Variants in DNAI1 observed in about 807,000 individuals in gnomAD.
DNAI1 encodes the protein dynein axonemal intermediate chain 1, also known as dynein, axonemal, intermediate polypeptide 1.
In DNAI1, 67 loss-of-function variants were observed where a neutral mutation model predicts 92.0. That is an observed-to-expected ratio of 0.73 (90% CI 0.60 to 0.89). The LOEUF (loss-of-function observed/expected upper bound fraction) is 0.89, where lower values mean the gene tolerates loss of function less well. Among genes scored for constraint, DNAI1 ranks in the 40% least tolerant of loss-of-function variants. The probability of loss-of-function intolerance (pLI) is 0.00; values close to 1 mark genes in which losing one functional copy is unlikely to be tolerated. For synonymous variants in DNAI1, 323 were observed against 319.6 expected (o/e 1.01, Z -0.11); for missense variants, 839 against 866.6 (o/e 0.97, Z 0.40).
intron 10 of DNAI1, among the ~76,000 whole-genome samples, chr9:34,499,432 C>G (rs1241652182): frequency 6.6e-6 from 1 of 152,220 alleles, no homozygotes; most frequent in Non-Finnish European, 1.5e-5. Flanking sequence ...TCACTGCATT[C>G]TTTAAACAGT....
intron 18 of DNAI1, among the ~76,000 whole-genome samples, chr9:34,514,977 G>A (rs1825146481): frequency 6.6e-6 from 1 of 152,224 alleles, no homozygotes; most frequent in African/African-American, 2.4e-5. Flanking sequence ...AAGCACTCTG[G>A]GGGATGAGAT....
intron 1 of DNAI1, among the ~76,000 whole-genome samples, chr9:34,477,294 A>G (rs561962775): frequency 6.6e-6 from 1 of 152,262 alleles, no homozygotes; most frequent in African/African-American, 2.4e-5. Context: ...ATGTTTTAGG[A>G]AGATCATTTG....
chr9:34,461,053 C>T (rs1280306839), intron 1 of DNAI1, among the ~76,000 whole-genome samples: 3 of 152,030 alleles, frequency 2.0e-5, no homozygotes, highest in African/African-American at 7.2e-5. Context: ...GTGTTAGCCA[C>T]GATGGTCTTG....
At chr9:34,505,387 T>C (rs965831732) in intron 12 of DNAI1, among the ~76,000 whole-genome samples, 1 of 152,194 alleles carries the variant, frequency 6.6e-6, no homozygotes, top group African/African-American at 2.4e-5. Context: ...CTTTCCCTTA[T>C]AAGAACCCTT....
At chr9:34,509,736 CA>C (rs1825027100) in intron 13 of DNAI1, among the ~76,000 whole-genome samples, 1 of 151,794 alleles carries the variant, frequency 6.6e-6, no homozygotes, top group African/African-American at 2.4e-5. Flanking sequence ...GTAGCAAAAT[CA>C]ATAGAAGGAA....
At chr9:34,497,656 G>A (rs1427347761) in intron 10 of DNAI1, among the ~76,000 whole-genome samples, 1 of 152,236 alleles carries the variant, frequency 6.6e-6, no homozygotes, top group Non-Finnish European at 1.5e-5. Flanking sequence ...GTATGGGGTA[G>A]ACAGAAACCA....
chr9:34,463,410 C>T (rs1007921156), intron 1 of DNAI1, among the ~76,000 whole-genome samples: 1 of 152,190 alleles, frequency 6.6e-6, no homozygotes, highest in African/African-American at 2.4e-5. Context: ...GCTTGAATGT[C>T]AGGAACCATA....
intron 7 of DNAI1, 62 bp downstream of exon 7, chr9:34,490,550 A>G: frequency 6.8e-6 from 11 of 1,611,426 alleles, no homozygotes; most frequent in Non-Finnish European, 8.5e-6. Context: ...GGGAAGAAGC[A>G]GGCCTGACCC....
intron 6 of DNAI1, 82 bp downstream of exon 6, chr9:34,490,206 G>C: frequency 1.2e-6 from 2 of 1,612,068 alleles, no homozygotes; most frequent in Non-Finnish European, 1.7e-6. Context: ...TGGGAAAGGA[G>C]GAGGGAGACC....
At chr9:34,469,612 C>G (rs1824102727) in intron 1 of DNAI1, among the ~76,000 whole-genome samples, 1 of 152,120 alleles carries the variant, frequency 6.6e-6, no homozygotes, top group Non-Finnish European at 1.5e-5. Context: ...GAGTCTTACT[C>G]TGTCGACCAG....
At position 34,458,896 on chromosome 9, in the gene DNAI1, C is replaced by A; in HGVS notation, c.-110C>A. 1 of 959,274 alleles carries A rather than the reference C, an allele frequency of 1.0e-6. No homozygotes were observed. Among genetic ancestry groups the A allele is most frequent in the Non-Finnish European group, 1.7e-6 (1 of 593,282 alleles). The allele number at this position is 959,274 out of a possible 1,614,324, so 59.4% of individuals were successfully genotyped here. The stretch of plus-strand genomic sequence containing the variant: ...GGCTGTCCCTAAAGAACCGTTGCGA[C>A]TGGTAACTGAAGTGGAAGAGAGTCC... On this transcript the variant is annotated 5_prime_UTR_variant, in exon 1 of 20. In the 5' UTR this introduces an upstream ATG that the reference lacks. Coordinates refer to ENST00000242317, the MANE Select transcript of DNAI1 (RefSeq NM_012144.4). This position sits in a 1 kb window ranked among gnomAD's most constrained non-coding sequence, Gnocchi z 6.6.
Position 34,493,269 on chromosome 9 carries a change from C to G in DNAI1, c.757C>G (p.Pro253Ala), listed in dbSNP as rs938687532. The change falls in exon 9 of 20, where the codon CCA becomes GCA. Residue 253 changes from proline to alanine, a missense_variant. By Grantham distance (27) the Pro-to-Ala change is conservative. Coordinates refer to ENST00000242317, the MANE Select transcript of DNAI1 (RefSeq NM_012144.4). ...KTKEKEKAKT[P>A]VAKKSGKMAM... Reference sequence around the variant, plus strand: ...CAAAGAGAAGGAGAAGGCAAAGACCCCAGTGGCTAAAAAATCAGGGAAGAT... The same window carrying G: ...CAAAGAGAAGGAGAAGGCAAAGACCGCAGTGGCTAAAAAATCAGGGAAGAT... The G allele has an allele frequency of 2.5e-6, 4 of 1,614,074 alleles. No individual in the cohort carries two copies. Among genetic ancestry groups the G allele is most frequent in the Non-Finnish European group, 3.4e-6 (4 of 1,179,994 alleles).
intron 7 of DNAI1, chr9:34,491,238 G>C: frequency 3.5e-6 from 2 of 563,904 alleles, no homozygotes. Context: ...ACTGTATCTT[G>C]GTTAAAATGG....
chr9:34,481,177 AG>A (rs1824346280), intron 1 of DNAI1, among the ~76,000 whole-genome samples: 1 of 152,216 alleles, frequency 6.6e-6, no homozygotes. Flanking sequence ...CAGAAGGCAG[AG>A]GTTGCAGTGA....
rs79833450 is a variant in DNAI1 at position 34,513,165 on chromosome 9, G to A, written c.1543G>A (p.Gly515Ser). 1.4e-5 allele frequency: 22 copies of A among 1,614,022 alleles called. No individual in the cohort carries two copies. Among genetic ancestry groups the A allele is most frequent in the Middle Eastern group, 1.6e-4 (1 of 6,084 alleles). ...HKEIDYMFLV[G>S]TEEGKIYKCS... ...AGAGATTGACTACATGTTCCTAGTG[G>A]GCACAGAGGAGGGAAAAATCTACAA... The change falls in exon 16 of 20, where the codon GGC becomes AGC. Residue 515 changes from glycine (G) to serine (S), a missense_variant. Transcript: ENST00000242317.
Position 34,489,050 on chromosome 9 carries a change from C to T in DNAI1, c.262-273C>T. 1.5e-5 allele frequency: 6 copies of T among 396,430 alleles called. No individual in the cohort carries two copies. The East Asian group carries it at 3.6e-4, about 24-fold the overall frequency. 24.6% of individuals were successfully genotyped at this position (396,430 alleles called of 1,614,324 possible). A position where few individuals can be genotyped will look rare whatever the true frequency, so the allele number is the denominator to read the frequency against. On this transcript the variant is annotated intron_variant, in intron 4 of 19. Coordinates refer to ENST00000242317, the MANE Select transcript of DNAI1 (RefSeq NM_012144.4). ...ACAAGACATATAAGCCAGTGATAGGCAAATCTGGAGCCACTTGAGGTTGGA... is the reference window on the plus strand; with the variant it reads ...ACAAGACATATAAGCCAGTGATAGGTAAATCTGGAGCCACTTGAGGTTGGA...
intron 1 of DNAI1, among the ~76,000 whole-genome samples, chr9:34,482,669 C>T (rs542345274): frequency 2.6e-5 from 4 of 152,392 alleles, no homozygotes; most frequent in South Asian, 4.1e-4. Flanking sequence ...CTCTCCACGT[C>T]CCCACCAGAC....
chr9:34,512,442 C>T lies in DNAI1; in HGVS notation c.1489+18C>T. The T allele has an allele frequency of 3.1e-6, 5 of 1,612,732 alleles. No homozygotes were observed. The highest frequency in any genetic ancestry group is 4.2e-6 in the Non-Finnish European group (5 of 1,179,016). ...CCCAGTGGGTAGGAGCCCCAGCCCT[C>T]TCACCTCCAGGCCTGGCCAGGTCAT... On this transcript the variant is annotated intron_variant, in intron 15 of 19. Transcript: ENST00000242317.
chr9:34,463,031 T>C (rs1336830570), intron 1 of DNAI1, among the ~76,000 whole-genome samples: 1 of 152,074 alleles, frequency 6.6e-6, no homozygotes, highest in East Asian at 1.9e-4. Flanking sequence ...ATCAGAGAAG[T>C]AGACTAAGAA....
Sources: gnomAD v4.1 joint callset for allele counts (sites outside exome capture counted in the v4.1 genomes callset) on GRCh38, gnomAD v4.1.1 for gene constraint, Gnocchi (gnomAD v3.1) non-coding constraint, MANE v1.5 for transcripts, NCBI Gene and HGNC (gene_info 2026-07-23, HGNC 2026-07-21) for gene names.